Variants in DYM observed in about 807,000 individuals in gnomAD.
The protein encoded by DYM is dymeclin.
A neutral mutation model predicts 93.1 loss-of-function variants in DYM; 78 were observed. The observed-to-expected ratio is 0.84, with a 90% CI of 0.70 to 1.01. DYM has a LOEUF of 1.01. DYM is among the 50% of genes least tolerant of loss of function. The pLI, the probability that DYM is intolerant of heterozygous loss-of-function variation, is 0.00. For missense variants in DYM, 789 were observed against 845.0 expected, an observed-to-expected ratio of 0.93 and a Z score of 0.82; for synonymous variants, 321 against 319.7, an observed-to-expected ratio of 1.00 and a Z score of -0.04.
At chr18:49,431,968 A>C (rs1297968674) in intron 1 of DYM, 1 of 152,354 alleles carries the variant, frequency 6.6e-6, no homozygotes. Context: ...ATTCAACTTC[A>C]ACTGAATCAT....
chr18:49,441,311 A>ATATAT (rs1568455304), intron 1 of DYM, among the ~76,000 whole-genome samples: 18 of 34,388 alleles, frequency 5.2e-4, no homozygotes, highest in South Asian at 3.7e-3. Context: ...ATATATAATT[A>ATATAT]ATATATAATT....
intron 1 of DYM, among the ~76,000 whole-genome samples, chr18:49,451,573 T>C (rs921420965): frequency 1.3e-5 from 2 of 152,238 alleles, no homozygotes; most frequent in Non-Finnish European, 2.9e-5. Flanking sequence ...TACAAACCCA[T>C]GCTGGGCTCA....
chr18:49,221,411 T>C (rs1443691433), intron 13 of DYM, among the ~76,000 whole-genome samples: 1 of 152,032 alleles, frequency 6.6e-6, no homozygotes, highest in Non-Finnish European at 1.5e-5. Context: ...ACTGGGTATA[T>C]ACCCAAAGGA....
At chr18:49,200,121 T>C (rs967826499) in intron 14 of DYM, among the ~76,000 whole-genome samples, 3 of 152,004 alleles carry the variant, frequency 2.0e-5, no homozygotes, top group African/African-American at 7.2e-5. Flanking sequence ...ATTAATAAAG[T>C]GGCATTGCAT....
intron 17 of DYM, among the ~76,000 whole-genome samples, chr18:49,071,469 T>C (rs1281532246): frequency 6.6e-6 from 1 of 152,216 alleles, no homozygotes; most frequent in Non-Finnish European, 1.5e-5. Context: ...CAAAAGCTTA[T>C]CTCCCCGTGA....
intron 13 of DYM, among the ~76,000 whole-genome samples, chr18:49,238,475 T>C (rs1017877412): frequency 3.3e-5 from 5 of 151,696 alleles, no homozygotes; most frequent in African/African-American, 9.7e-5. Context: ...ATTTCTTCAC[T>C]CTTGATGTTA....
At chr18:49,046,316 CACACCAG>C in intron 17 of DYM, among the ~76,000 whole-genome samples, 1 of 151,116 alleles carries the variant, frequency 6.6e-6, no homozygotes, top group Non-Finnish European at 1.5e-5. Context: ...CACACACACA[CACACCAG>C]ACACACACAA....
intron 13 of DYM, among the ~76,000 whole-genome samples, chr18:49,249,541 T>C (rs1247158298): frequency 6.6e-6 from 1 of 152,170 alleles, no homozygotes; most frequent in African/African-American, 2.4e-5. Flanking sequence ...ATTATTTAAA[T>C]GAAGGCTGGG....
chr18:49,114,641 T>C lies in DYM; in HGVS notation c.1911+4103A>G, dbSNP rs569725225. Reference sequence around the variant, plus strand: ...CTGATTAAAAAAAATTAATATGGTCTTTCAGAGACTTTTTTTTTCTTTTTC... The same window carrying C: ...CTGATTAAAAAAAATTAATATGGTCCTTCAGAGACTTTTTTTTTCTTTTTC... On this transcript the variant is annotated intron_variant, in intron 16 of 17. Coordinates refer to ENST00000675505, the MANE Select transcript of DYM (RefSeq NM_001353214.3). The C allele has an allele frequency of 3.3e-5, 30 of 907,926 alleles. No homozygotes were observed. The African/African-American group carries it at 4.9e-4, about 15-fold the overall frequency. 56.2% of individuals were successfully genotyped at this position (907,926 alleles called of 1,614,324 possible).
intron 14 of DYM, among the ~76,000 whole-genome samples, chr18:49,164,265 T>TATAA (rs1285452653): frequency 6.6e-6 from 1 of 152,150 alleles, no homozygotes; most frequent in African/African-American, 2.4e-5. Flanking sequence ...AAATGTTTTA[T>TATAA]AAGATTTCTG....
intron 8 of DYM, among the ~76,000 whole-genome samples, chr18:49,297,548 C>T (rs748619261): frequency 8.5e-5 from 13 of 152,188 alleles, no homozygotes; most frequent in Admixed American, 2.0e-4. Context: ...CTATATGTTA[C>T]ACTTAAATAA....
chr18:49,214,030 A>T (rs998720869), intron 13 of DYM, among the ~76,000 whole-genome samples: 3 of 152,200 alleles, frequency 2.0e-5, no homozygotes, highest in African/African-American at 7.2e-5. Context: ...AAATTTTTTT[A>T]GGTGGCCATT....
chr18:49,436,661 T>C (rs1273138749), intron 1 of DYM, among the ~76,000 whole-genome samples: 1 of 152,230 alleles, frequency 6.6e-6, no homozygotes, highest in African/African-American at 2.4e-5. Flanking sequence ...GTAGGTCTAA[T>C]ATTAGTGTAC....
chr18:49,420,444 C>A (rs2073534920), intron 2 of DYM, among the ~76,000 whole-genome samples: 1 of 152,192 alleles, frequency 6.6e-6, no homozygotes, highest in East Asian at 1.9e-4. Flanking sequence ...GTTTGGATTA[C>A]AGGCAAGAGC....
chr18:49,187,048 T>G (rs2090511948), intron 14 of DYM, among the ~76,000 whole-genome samples: 1 of 151,278 alleles, frequency 6.6e-6, no homozygotes. Context: ...GCCGTCCGAG[T>G]AGCTGGGACT....
chr18:49,112,270 C>T (rs1169568986), intron 16 of DYM, among the ~76,000 whole-genome samples: 1 of 152,122 alleles, frequency 6.6e-6, no homozygotes, highest in Non-Finnish European at 1.5e-5. Flanking sequence ...CTGCTGTGCC[C>T]CCAGTCTCAG....
In DYM at chr18:49,289,725, GTGTATATATATATA is replaced by G. The variant is rs1233563561; in HGVS notation, c.764-3123_764-3110del. On this transcript the variant is annotated intron_variant, in intron 8 of 17. Transcript: ENST00000675505. ...GCCCCTATCTCAAATATATATATAT[GTGTATATATATATA>G]TATATATATATATATATATATATAT... is the stretch of plus-strand genomic sequence containing the variant. 3.3e-3 allele frequency among the ~76,000 whole-genome samples: 46 copies of G among 13,736 alleles called. 1 individual carries two copies. The highest frequency in any genetic ancestry group is 7.1e-3 in the African/African-American group (44 of 6,230). 9.0% of individuals were successfully genotyped at this position (13,736 alleles called of 152,430 possible).
chr18:49,234,569 G>T (rs1469249478), intron 13 of DYM, among the ~76,000 whole-genome samples: 1 of 152,136 alleles, frequency 6.6e-6, no homozygotes, highest in African/African-American at 2.4e-5. Flanking sequence ...GAAACCCTAG[G>T]GGATGGTTAG....
chr18:49,239,613 G>T (rs777157781), intron 13 of DYM, among the ~76,000 whole-genome samples: 1 of 152,190 alleles, frequency 6.6e-6, no homozygotes, highest in Non-Finnish European at 1.5e-5. Context: ...CCTGCGTTGC[G>T]GTGAGGAGGC....
Sources: allele counts gnomAD v4.1 joint callset (sites outside exome capture counted in the v4.1 genomes callset), GRCh38; gene constraint gnomAD v4.1.1; transcripts MANE v1.5; gene names NCBI Gene and HGNC (gene_info 2026-07-23, HGNC 2026-07-21).